SYT1: variants seen among roughly 807,000 people sequenced by gnomAD.
SYT1 encodes the protein synaptotagmin-1.
Under a neutral mutation model 44.8 loss-of-function variants are expected in SYT1, and 8 were observed. The ratio of observed to expected loss-of-function variants is 0.18; its 90% CI spans 0.10 to 0.32. The LOEUF (loss-of-function observed/expected upper bound fraction) is 0.32, where lower values mean the gene tolerates loss of function less well. Among genes scored for constraint, SYT1 ranks in the 10% least tolerant of loss-of-function variants. The pLI, the probability that SYT1 is intolerant of heterozygous loss-of-function variation, is 1.00. For missense variants in SYT1, 286 were observed against 509.3 expected (o/e 0.56, Z 4.22); for synonymous variants, 154 against 188.8 (o/e 0.82, Z 1.51).
Position 78,868,197 on chromosome 12 carries a change from A to C in SYT1, c.-217+3088A>C, listed in dbSNP as rs1173980742. On this transcript the variant is annotated intron_variant, in intron 1 of 10. Transcript: ENST00000261205. ...TTGAAACATAATATTTATTTTCCTA[A>C]TGGTAATAATTAAGTAATTTGGGGG... 3.9e-5 allele frequency among the ~76,000 whole-genome samples: 6 copies of C among 151,988 alleles called. No homozygotes were observed. The East Asian group carries it at 1.2e-3, about 29-fold the overall frequency.
chr12:79,334,328 C>T (rs148921344), intron 8 of SYT1, among the ~76,000 whole-genome samples: 37 of 152,072 alleles, frequency 2.4e-4, no homozygotes, highest in African/African-American at 8.0e-4. Context: ...GATTAAAACC[C>T]AGGACATATT....
At chr12:78,922,859 T>C (rs1267949639) in intron 1 of SYT1, among the ~76,000 whole-genome samples, 1 of 151,984 alleles carries the variant, frequency 6.6e-6, no homozygotes, top group Non-Finnish European at 1.5e-5. Context: ...ACTATTACTG[T>C]TCCCATTAAA....
intron 4 of SYT1, among the ~76,000 whole-genome samples, chr12:79,224,691 G>A (rs938886425): frequency 1.3e-5 from 2 of 151,426 alleles, no homozygotes; most frequent in Non-Finnish European, 2.9e-5. Context: ...TTTGAGCAGA[G>A]GTGTCCCATG....
chr12:79,169,730 G>A (rs1871403534), intron 3 of SYT1, among the ~76,000 whole-genome samples: 1 of 151,964 alleles, frequency 6.6e-6, no homozygotes, highest in East Asian at 1.9e-4. Flanking sequence ...AGGGGTACAA[G>A]TGCATGTTTG....
intron 3 of SYT1, among the ~76,000 whole-genome samples, chr12:79,050,165 A>T (rs1042578820): frequency 1.8e-4 from 26 of 143,552 alleles, no homozygotes; most frequent in African/African-American, 6.9e-4. Flanking sequence ...TGTATTATAT[A>T]CTCTTCTTAA....
chr12:79,168,423 A>G (rs1209890056), intron 3 of SYT1, among the ~76,000 whole-genome samples: 1 of 151,878 alleles, frequency 6.6e-6, no homozygotes, highest in Non-Finnish European at 1.5e-5. Context: ...TTCTTAATAA[A>G]CCCACCAAGT....
chr12:79,322,634 C>T (rs1226743843), intron 8 of SYT1, among the ~76,000 whole-genome samples: 2 of 152,152 alleles, frequency 1.3e-5, no homozygotes, highest in Non-Finnish European at 1.5e-5. Flanking sequence ...CTCCCTCAAA[C>T]TCTCGGGGCG....
chr12:79,145,815 T>C (rs1438922493), intron 3 of SYT1, among the ~76,000 whole-genome samples: 2 of 151,332 alleles, frequency 1.3e-5, no homozygotes, highest in Non-Finnish European at 2.9e-5. Context: ...TGGAGTGCAG[T>C]GGCGGGATCT....
At chr12:79,412,557 G>A (rs1363156641) in intron 9 of SYT1, among the ~76,000 whole-genome samples, 1 of 151,980 alleles carries the variant, frequency 6.6e-6, no homozygotes, top group Non-Finnish European at 1.5e-5. Flanking sequence ...GACATTCCTG[G>A]GTGGGGGACG....
intron 4 of SYT1, among the ~76,000 whole-genome samples, chr12:79,285,456 G>C: frequency 6.6e-6 from 1 of 152,180 alleles, no homozygotes; most frequent in Admixed American, 6.5e-5. Flanking sequence ...AAATGGTGAA[G>C]CCAGGATTTA....
At chr12:79,296,357 G>A (rs1879875339) in intron 7 of SYT1, 121 bp downstream of exon 7, 1 of 1,016,572 alleles carries the variant, frequency 9.8e-7, no homozygotes, top group Non-Finnish European at 1.4e-6. Context: ...AATAATTCCA[G>A]TCAGAATATG....
intron 1 of SYT1, among the ~76,000 whole-genome samples, chr12:78,964,949 A>C (rs1303143707): frequency 1.3e-5 from 2 of 152,032 alleles, no homozygotes; most frequent in Non-Finnish European, 2.9e-5. Flanking sequence ...AAATTATAAA[A>C]TACTGATGTA....
At chr12:78,892,312 T>G (rs553575700) in intron 1 of SYT1, among the ~76,000 whole-genome samples, 128 of 151,938 alleles carry the variant, frequency 8.4e-4, no homozygotes, top group African/African-American at 3.0e-3. Flanking sequence ...AATAATCTTA[T>G]CATTCAAATT....
intron 3 of SYT1, among the ~76,000 whole-genome samples, chr12:79,086,422 C>G (rs1877388549): frequency 6.6e-6 from 1 of 152,112 alleles, no homozygotes; most frequent in Non-Finnish European, 1.5e-5. Context: ...AATCTCAGAA[C>G]ACGGTGACGA....
intron 9 of SYT1, among the ~76,000 whole-genome samples, chr12:79,364,570 G>C (rs945172781): frequency 6.6e-6 from 1 of 151,990 alleles, no homozygotes; most frequent in Admixed American, 6.6e-5. Context: ...ACAACTAGGA[G>C]GCTTCCTATA....
chr12:79,105,753 G>A (rs975967061), intron 3 of SYT1, among the ~76,000 whole-genome samples: 7 of 152,098 alleles, frequency 4.6e-5, no homozygotes, highest in South Asian at 4.2e-4. Context: ...GGTGGCGGGC[G>A]CCTGTAGTCC....
intron 3 of SYT1, among the ~76,000 whole-genome samples, chr12:79,095,482 T>C (rs1477285516): frequency 6.6e-6 from 1 of 151,910 alleles, no homozygotes; most frequent in Non-Finnish European, 1.5e-5. Context: ...TAGCAATAGT[T>C]AAGATGAGAG....
At chr12:78,945,460 ATG>A (rs1878601685) in intron 1 of SYT1, among the ~76,000 whole-genome samples, 1 of 135,630 alleles carries the variant, frequency 7.4e-6, no homozygotes, top group African/African-American at 2.9e-5. Context: ...CATTTATATT[ATG>A]TGTGTCTATA....
intron 3 of SYT1, among the ~76,000 whole-genome samples, chr12:79,150,633 G>A (rs1870212380): frequency 6.6e-6 from 1 of 152,156 alleles, no homozygotes; most frequent in African/African-American, 2.4e-5. Flanking sequence ...AACATGATGA[G>A]GAGGGCACAA....
Sources: allele counts gnomAD v4.1 joint callset (sites outside exome capture counted in the v4.1 genomes callset), GRCh38; gene constraint gnomAD v4.1.1; transcripts MANE v1.5; gene names NCBI Gene and HGNC (gene_info 2026-07-23, HGNC 2026-07-21).